The following PCDH9 variants were observed in gnomAD, a reference collection of about 807,000 sequenced individuals.
The protein encoded by PCDH9 is protocadherin-9.
A neutral mutation model predicts 70.6 loss-of-function variants in PCDH9; 24 were observed. The observed-to-expected ratio is 0.34, with a 90% CI of 0.25 to 0.48. The LOEUF is 0.48. PCDH9 is among the 20% of genes least tolerant of loss of function. PCDH9 has a pLI of 0.99. For synonymous variants in PCDH9, 562 were observed against 558.5 expected (o/e 1.01, Z -0.09); for missense variants, 1,281 against 1,503.6 (o/e 0.85, Z 2.45).
At chr13:66,481,941 C>T (rs1251563111) in intron 4 of PCDH9, among the ~76,000 whole-genome samples, 2 of 128,042 alleles carry the variant, frequency 1.6e-5, no homozygotes, top group Admixed American at 1.5e-4. Context: ...TACACATGCA[C>T]GCACACACAC....
chr13:67,176,007 A>G (rs1247273912), intron 2 of PCDH9, among the ~76,000 whole-genome samples: 2 of 152,090 alleles, frequency 1.3e-5, no homozygotes, highest in South Asian at 2.1e-4. Flanking sequence ...GATGTGTTTG[A>G]TTGAGCTAGC....
chr13:66,638,793 A>G (rs955517986), intron 3 of PCDH9, among the ~76,000 whole-genome samples: 12 of 152,162 alleles, frequency 7.9e-5, no homozygotes, highest in African/African-American at 2.9e-4. Flanking sequence ...CTTCAGTGTG[A>G]TTTCTCACGG....
intron 2 of PCDH9, among the ~76,000 whole-genome samples, chr13:66,907,779 G>A (rs998907527): frequency 6.6e-6 from 1 of 152,106 alleles, no homozygotes; most frequent in Non-Finnish European, 1.5e-5. Context: ...CAGTAGCAAT[G>A]CTTAGTATTA....
intron 3 of PCDH9, among the ~76,000 whole-genome samples, chr13:66,686,384 C>T (rs2078402257): frequency 6.6e-6 from 1 of 152,148 alleles, no homozygotes; most frequent in South Asian, 2.1e-4. Context: ...CCTGAGGCCT[C>T]CCCAACCATG....
In PCDH9 at chr13:66,920,410, A is replaced by G. The variant is rs183960131; in HGVS notation, c.3037-16805T>C. ...GCATTAATCCCCTTGAAAGGGAGACACTCAATTTACAGTGTATTTTGCATG... is the reference window on the plus strand; with the variant it reads ...GCATTAATCCCCTTGAAAGGGAGACGCTCAATTTACAGTGTATTTTGCATG... On this transcript the variant is annotated intron_variant, in intron 2 of 4. Transcript: ENST00000377865. 1.8e-3 allele frequency among the ~76,000 whole-genome samples: 279 copies of G among 151,194 alleles called. 2 individuals carry two copies. Among genetic ancestry groups the G allele is most frequent in the African/African-American group, 6.4e-3 (267 of 41,440 alleles).
intron 3 of PCDH9, among the ~76,000 whole-genome samples, chr13:66,802,393 A>AT (rs1008140896): frequency 5.9e-5 from 9 of 151,990 alleles, no homozygotes; most frequent in African/African-American, 1.7e-4. Context: ...CACTATGCAT[A>AT]TTTTTTCATA....
intron 2 of PCDH9, among the ~76,000 whole-genome samples, chr13:66,986,861 G>GA (rs1328633477): frequency 1.3e-4 from 20 of 151,598 alleles, no homozygotes; most frequent in Non-Finnish European, 2.8e-4. Flanking sequence ...GAATAAAATG[G>GA]AAAAATGAAC....
rs149284514 is a variant in PCDH9, at chr13:66,861,219, G to A, written c.3138+42285C>T. Among the ~76,000 whole-genome samples, 1,211 of 152,248 alleles carry A rather than the reference G, an allele frequency of 8.0e-3. 13 individuals are homozygous for A. The highest frequency in any genetic ancestry group is 0.027 in the African/African-American group (1,127 of 41,514). On this transcript the variant is annotated intron_variant, in intron 3 of 4. Transcript: ENST00000377865. ...GGAAGGATAATATCGAGTTAAGTGC[G>A]GCACTTTCAGTTCATCCAGCATAAA...
At chr13:67,069,839 A>C (rs2085724777) in intron 2 of PCDH9, among the ~76,000 whole-genome samples, 1 of 152,158 alleles carries the variant, frequency 6.6e-6, no homozygotes, top group Admixed American at 6.6e-5. Context: ...TGCTTCTCAT[A>C]AAAATCTTGG....
intron 3 of PCDH9, among the ~76,000 whole-genome samples, chr13:66,808,262 G>A (rs891732752): frequency 2.0e-5 from 3 of 151,934 alleles, no homozygotes; most frequent in Admixed American, 6.6e-5. Context: ...AGGAAAGTAG[G>A]GCTGCTGACA....
At chr13:67,140,334 A>C (rs74675389) in intron 2 of PCDH9, among the ~76,000 whole-genome samples, 1 of 152,290 alleles carries the variant, frequency 6.6e-6, no homozygotes, top group African/African-American at 2.4e-5. Flanking sequence ...AGCTAAGGTA[A>C]GATAAGTTTG....
chr13:66,483,018 T>G (rs1958868718), intron 4 of PCDH9, among the ~76,000 whole-genome samples: 1 of 152,218 alleles, frequency 6.6e-6, no homozygotes, highest in African/African-American at 2.4e-5. Context: ...TTGGAATTCA[T>G]GGCCACTGCA....
Position 67,227,463 on chromosome 13 carries a change from G to A in PCDH9, c.978C>T (p.His326=). 1 of 1,613,900 alleles carries A rather than the reference G, an allele frequency of 6.2e-7. No individual in the cohort carries two copies. The highest frequency in any genetic ancestry group is 8.5e-7 in the Non-Finnish European group (1 of 1,179,860). ...CGTCACTAGCCAGCACTGTCACTTTGTGAATGGCTGTCTCCTCTCTATCTA... is the reference window on the plus strand; with the variant it reads ...CGTCACTAGCCAGCACTGTCACTTTATGAATGGCTGTCTCCTCTCTATCTA... ...RSLDREETAI[H]KVTVLASDGS... The change falls in exon 2 of 5, where the codon CAC becomes CAT. Residue 326 remains histidine (H), a synonymous_variant. Transcript: ENST00000377865. The surrounding 1 kb of genome is among the most constrained non-coding windows in gnomAD (Gnocchi z 4.6).
chr13:66,928,923 C>A (rs900634918), intron 2 of PCDH9, among the ~76,000 whole-genome samples: 33 of 152,074 alleles, frequency 2.2e-4, no homozygotes, highest in Non-Finnish European at 4.6e-4. Flanking sequence ...TAGGACTATA[C>A]TTTCATAGTC....
At chr13:66,649,569 C>A (rs1256001552) in intron 3 of PCDH9, among the ~76,000 whole-genome samples, 1 of 152,052 alleles carries the variant, frequency 6.6e-6, no homozygotes, top group Admixed American at 6.6e-5. Context: ...AAAGGGAATT[C>A]TTCAGTCAGA....
chr13:66,784,512 C>T (rs796644399), intron 3 of PCDH9, among the ~76,000 whole-genome samples: 3 of 152,184 alleles, frequency 2.0e-5, no homozygotes, highest in Non-Finnish European at 2.9e-5. Context: ...ACTTAGTTTA[C>T]GTTTAGGTAA....
At position 66,714,569 on chromosome 13, in the gene PCDH9, A is replaced by C. The variant is rs528159919; in HGVS notation, c.3139-83158T>G. ...TATGAAAATATTAATATTAGTAATA[A>C]ATTAATGGTATATGACTGTCTGTCT... On this transcript the variant is annotated intron_variant, in intron 3 of 4. Coordinates refer to ENST00000377865, the MANE Select transcript of PCDH9 (RefSeq NM_203487.3). 2.6e-5 allele frequency among the ~76,000 whole-genome samples: 4 copies of C among 152,278 alleles called. No individual in the cohort carries two copies. The South Asian group carries it at 6.2e-4, about 24-fold the overall frequency.
chr13:66,498,579 G>T (rs1959153296), intron 4 of PCDH9, among the ~76,000 whole-genome samples: 1 of 152,048 alleles, frequency 6.6e-6, no homozygotes, highest in African/African-American at 2.4e-5. Flanking sequence ...TTTGGAAACT[G>T]TCACCTATAT....
intron 3 of PCDH9, among the ~76,000 whole-genome samples, chr13:66,815,192 T>C (rs1048906376): frequency 2.6e-5 from 4 of 151,824 alleles, no homozygotes; most frequent in African/African-American, 9.7e-5. Context: ...CACCAATCAA[T>C]AGAAAAATAC....
Sources: gnomAD v4.1 joint callset for allele counts (sites outside exome capture counted in the v4.1 genomes callset) on GRCh38, gnomAD v4.1.1 for gene constraint, Gnocchi (gnomAD v3.1) non-coding constraint, MANE v1.5 for transcripts, NCBI Gene and HGNC (gene_info 2026-07-23, HGNC 2026-07-21) for gene names.